The following KAZN variants were observed in gnomAD, a reference collection of about 807,000 sequenced individuals.
KAZN encodes kazrin.
Under a neutral mutation model 87.4 loss-of-function variants are expected in KAZN, and 40 were observed. The observed-to-expected ratio is 0.46, with a 90% CI of 0.36 to 0.60. KAZN has a LOEUF of 0.60. Ranked by LOEUF, KAZN falls within the 20% of genes least tolerant of loss-of-function variation. The pLI is 0.00. For missense variants in KAZN, 898 were observed against 1,073.9 expected, an observed-to-expected ratio of 0.84 and a Z score of 2.29; for synonymous variants, 466 against 458.3, an observed-to-expected ratio of 1.02 and a Z score of -0.22.
intron 1 of KAZN, 54 bp from the exon 2 acceptor site, chr1:14,960,630 C>G (rs11808058): frequency 6.6e-7 from 1 of 1,518,462 alleles, no homozygotes; most frequent in Non-Finnish European, 8.9e-7. Context: ...CCAGAAAATG[C>G]GAGTGAGCGG....
chr1:14,884,271 A>G (rs1167269582), intron 1 of KAZN, among the ~76,000 whole-genome samples: 2 of 152,146 alleles, frequency 1.3e-5, no homozygotes, highest in Admixed American at 6.5e-5. Context: ...GGGCACCTGT[A>G]GTCCCAGCTA....
At chr1:14,070,147 G>A (rs1437227435) in intron 1 of KAZN, among the ~76,000 whole-genome samples, 4 of 98,472 alleles carry the variant, frequency 4.1e-5, no homozygotes, top group Admixed American at 1.1e-4. Flanking sequence ...CCAGCTTGGC[G>A]ACAGTGCGAG....
intron 1 of KAZN, among the ~76,000 whole-genome samples, chr1:14,767,065 T>C (rs1644903733): frequency 6.6e-6 from 1 of 152,122 alleles, no homozygotes; most frequent in South Asian, 2.1e-4. Flanking sequence ...GAAGGAATTA[T>C]GGATCCTGAT....
At chr1:14,805,802 AAT>A (rs1178734949) in intron 1 of KAZN, among the ~76,000 whole-genome samples, 4 of 120,226 alleles carry the variant, frequency 3.3e-5, no homozygotes, top group East Asian at 2.2e-4. Context: ...TAATAATAAT[AAT>A]AAATTAAAAT....
chr1:14,389,235 C>A (rs1571491647), intron 2 of KAZN, among the ~76,000 whole-genome samples: 1 of 152,048 alleles, frequency 6.6e-6, no homozygotes, highest in Non-Finnish European at 1.5e-5. Flanking sequence ...AAAAAGGAAC[C>A]CTCGTACATT....
chr1:14,937,475 T>C (rs917101125), intron 1 of KAZN, among the ~76,000 whole-genome samples: 1 of 152,128 alleles, frequency 6.6e-6, no homozygotes. Flanking sequence ...AATAATCACG[T>C]CCCCTCCGCC....
At chr1:14,713,805 G>C (rs1418058247) in intron 1 of KAZN, among the ~76,000 whole-genome samples, 1 of 115,158 alleles carries the variant, frequency 8.7e-6, no homozygotes, top group Non-Finnish European at 1.8e-5. Flanking sequence ...AAAAAAGAAA[G>C]AATAATTAGG....
At chr1:14,355,155 T>G (rs1365848826) in intron 2 of KAZN, among the ~76,000 whole-genome samples, 2 of 152,138 alleles carry the variant, frequency 1.3e-5, no homozygotes, top group African/African-American at 4.8e-5. Flanking sequence ...TTAATTACAG[T>G]GTTAAAAATC....
chr1:14,044,165 G>T (rs753756009), intron 1 of KAZN, among the ~76,000 whole-genome samples: 2 of 152,038 alleles, frequency 1.3e-5, no homozygotes, highest in South Asian at 4.2e-4. Context: ...TCCAGAACCT[G>T]CTTGCCTAAT....
intron 1 of KAZN, among the ~76,000 whole-genome samples, chr1:14,774,583 A>T (rs1645122276): frequency 6.7e-6 from 1 of 150,020 alleles, no homozygotes; most frequent in Non-Finnish European, 1.5e-5. Flanking sequence ...CCATCCTCCC[A>T]TCTCAGCCTC....
intron 1 of KAZN, among the ~76,000 whole-genome samples, chr1:14,120,386 C>A (rs566500069): frequency 2.5e-4 from 38 of 152,138 alleles, no homozygotes; most frequent in African/African-American, 8.9e-4. Flanking sequence ...TGAGAAACCA[C>A]CCCCACGATC....
intron 2 of KAZN, among the ~76,000 whole-genome samples, chr1:14,361,325 G>A (rs1659493211): frequency 6.6e-6 from 1 of 152,222 alleles, no homozygotes; most frequent in Admixed American, 6.5e-5. Context: ...AGACTGCTGT[G>A]CTGGCAGTGA....
chr1:14,892,117 G>T (rs937851061), intron 1 of KAZN, among the ~76,000 whole-genome samples: 2 of 152,232 alleles, frequency 1.3e-5, no homozygotes, highest in South Asian at 4.2e-4. Flanking sequence ...AGCCCAGATG[G>T]GATGGTGACC....
At chr1:14,356,254 TTG>T (rs1659018496) in intron 2 of KAZN, among the ~76,000 whole-genome samples, 1 of 152,196 alleles carries the variant, frequency 6.6e-6, no homozygotes, top group Non-Finnish European at 1.5e-5. Context: ...TTCATATCCT[TTG>T]CCCACTTTTT....
intron 6 of KAZN, chr1:15,060,884 A>G (rs1638735901): frequency 6.6e-6 from 1 of 152,562 alleles, no homozygotes; most frequent in Admixed American, 6.5e-5. Flanking sequence ...GTGGGAGTAA[A>G]TTGAAGGTGG....
intron 2 of KAZN, among the ~76,000 whole-genome samples, chr1:14,182,344 T>C (rs550128462): frequency 6.6e-6 from 1 of 152,192 alleles, no homozygotes; most frequent in African/African-American, 2.4e-5. Context: ...AGAAACGTCA[T>C]GTGGAAACCC....
chr1:14,784,977 T>A (rs970632585), intron 1 of KAZN, among the ~76,000 whole-genome samples: 9 of 151,912 alleles, frequency 5.9e-5, no homozygotes, highest in African/African-American at 1.7e-4. Context: ...TACTTTTTTT[T>A]TTTTTTTTTT....
intron 2 of KAZN, among the ~76,000 whole-genome samples, chr1:14,295,837 G>T (rs1485975885): frequency 6.6e-6 from 1 of 152,122 alleles, no homozygotes; most frequent in African/African-American, 2.4e-5. Context: ...ATTTTGGTTT[G>T]CAGTTATACA....
rs916643288 is a variant in KAZN, at chr1:14,572,041, C to T, written c.250-26942C>T. 4.6e-5 allele frequency among the ~76,000 whole-genome samples: 7 copies of T among 152,290 alleles called. No homozygotes were observed. In the East Asian group the frequency reaches 1.2e-3, roughly 25 times the overall value. On this transcript the variant is annotated intron_variant, in intron 2 of 16. Transcript: ENST00000636203. ...TCCAGCCAGTGCTATGGGAAGGCTG[C>T]CCCCTGCAGCTTCGGGGGAGGTACT...
Sources: gnomAD v4.1 joint callset for allele counts (sites outside exome capture counted in the v4.1 genomes callset) on GRCh38, gnomAD v4.1.1 for gene constraint, MANE v1.5 for transcripts, NCBI Gene and HGNC (gene_info 2026-07-23, HGNC 2026-07-21) for gene names.